Variants in C2CD2 observed in about 807,000 individuals in gnomAD.
C2CD2 encodes the protein C2 domain-containing protein 2.
C2CD2 carries 43 observed loss-of-function variants against 74.3 expected under a neutral mutation model. The ratio of observed to expected loss-of-function variants is 0.58; its 90% confidence interval spans 0.45 to 0.75. The LOEUF is 0.75. C2CD2 is among the 30% of genes least tolerant of loss of function. The probability of loss-of-function intolerance (pLI) is 0.00; values close to 1 mark genes in which losing one functional copy is unlikely to be tolerated. For synonymous variants in C2CD2, 422 were observed against 390.7 expected (o/e 1.08, Z -0.94); for missense variants, 801 against 916.3 (o/e 0.87, Z 1.63).
chr21:41,896,172 G>A (rs2064820103), intron 13 of C2CD2, among the ~76,000 whole-genome samples: 1 of 152,214 alleles, frequency 6.6e-6, no homozygotes, highest in Non-Finnish European at 1.5e-5. Flanking sequence ...GGACGTCTAC[G>A]TGTAATTGAG....
intron 2 of C2CD2, among the ~76,000 whole-genome samples, chr21:41,931,168 G>A (rs1168651144): frequency 6.6e-6 from 1 of 150,498 alleles, no homozygotes; most frequent in Non-Finnish European, 1.5e-5. Flanking sequence ...TAAAGGCCAT[G>A]CTCTGCTGCC....
rs2064705385 is a variant in C2CD2, at chr21:41,888,141, C to T, written c.*983G>A. Reference sequence around the variant, plus strand: ...CCCATTTGTTATTAAACTTCCATTCCTAAGACTGACACCTGAGACACAAAA... The same window carrying T: ...CCCATTTGTTATTAAACTTCCATTCTTAAGACTGACACCTGAGACACAAAA... On this transcript the variant is annotated 3_prime_UTR_variant, in exon 14 of 14. Coordinates refer to ENST00000380486, the MANE Select transcript of C2CD2 (RefSeq NM_015500.2). 1 of 152,644 alleles carries T rather than the reference C, an allele frequency of 6.6e-6. No homozygotes were observed. The highest frequency in any genetic ancestry group is 1.5e-5 in the Non-Finnish European group (1 of 68,050). The allele number at this position is 152,644 out of a possible 1,614,324, so 9.5% of individuals were successfully genotyped here.
chr21:41,929,282 C>G lies in C2CD2; in HGVS notation c.379-7197G>C, dbSNP rs893634819. 1.2e-4 allele frequency among the ~76,000 whole-genome samples: 19 copies of G among 152,160 alleles called. No individual in the cohort carries two copies. Among genetic ancestry groups the G allele is most frequent in the African/African-American group, 4.1e-4 (17 of 41,454 alleles). ...CTCTGCCTCAGTTTCTCCTTCTGTACAGTGGGATGATGCTTCTGACACAGG... is the reference window on the plus strand; with the variant it reads ...CTCTGCCTCAGTTTCTCCTTCTGTAGAGTGGGATGATGCTTCTGACACAGG... On this transcript the variant is annotated intron_variant, in intron 2 of 13. Transcript: ENST00000380486. The surrounding 1 kb of genome is among the most constrained non-coding windows in gnomAD (Gnocchi z 4.6).
rs922593034 is a variant in C2CD2, at chr21:41,898,099, G to A, written c.1870+954C>T. Among the ~76,000 whole-genome samples, 7 of 152,212 alleles carry A rather than the reference G, an allele frequency of 4.6e-5. No homozygotes were observed. The East Asian group carries it at 1.3e-3, about 29-fold the overall frequency. ...CAGCGCTTAACAAAGCTCCCCCAAGGAGCCCCTTCGATTTCCCGACACAGA... is the reference window on the plus strand; with the variant it reads ...CAGCGCTTAACAAAGCTCCCCCAAGAAGCCCCTTCGATTTCCCGACACAGA... On this transcript the variant is annotated intron_variant, in intron 13 of 13. Transcript: ENST00000380486.
rs1375765796 is a variant in C2CD2 at position 41,942,239 on chromosome 21, G to C, written c.286C>G (p.Pro96Ala). The C allele has an allele frequency of 1.3e-6, 2 of 1,549,844 alleles. No homozygotes were observed. The highest frequency in any genetic ancestry group is 1.2e-5 in the South Asian group (1 of 83,994). ...NEEAERKGGPPFLSFEEDPRQ... is the reference protein window; with the variant it reads ...NEEAERKGGPAFLSFEEDPRQ... ...GGGTCCTCCTCAAAGGACAGGAAAG[G>C]TGGGCCCTGGAACAGAGGGGCAGCA... Residue 96 changes from proline (P) to alanine (A), a missense_variant, in exon 2 of 14, where the codon CCT becomes GCT. Transcript: ENST00000380486.
At chr21:41,951,574 G>A (rs376655910) in intron 1 of C2CD2, among the ~76,000 whole-genome samples, 6 of 152,140 alleles carry the variant, frequency 3.9e-5, no homozygotes, top group African/African-American at 1.4e-4. Context: ...CGCAAACAAG[G>A]TGAGACCCTC....
At chr21:41,936,152 G>C (rs1210531602) in intron 2 of C2CD2, among the ~76,000 whole-genome samples, 1 of 152,148 alleles carries the variant, frequency 6.6e-6, no homozygotes, top group East Asian at 1.9e-4. Context: ...CATCAACGGA[G>C]TGAAGAGACA....
At chr21:41,901,557 G>T in intron 12 of C2CD2, 65 bp downstream of exon 12, 3 of 1,562,890 alleles carry the variant, frequency 1.9e-6, no homozygotes, top group Non-Finnish European at 2.6e-6. Context: ...TCTTCAAAGG[G>T]CAGAGGAGCA....
chr21:41,886,093 ACAAAG>A lies in C2CD2; in HGVS notation c.*3026_*3030del, dbSNP rs1445495444. ...ACAAAGAACAGAGGCACCTCCTTAAACAAAGCAAACGGGGAAGGGTTGCAAGCTCA... is the reference window on the plus strand; with the variant it reads ...ACAAAGAACAGAGGCACCTCCTTAAACAAACGGGGAAGGGTTGCAAGCTCA... On this transcript the variant is annotated 3_prime_UTR_variant, in exon 14 of 14. Coordinates refer to ENST00000380486, the MANE Select transcript of C2CD2 (RefSeq NM_015500.2). The A allele has an allele frequency of 1.3e-5, 2 of 152,266 alleles. No individual in the cohort carries two copies. Among genetic ancestry groups the A allele is most frequent in the East Asian group, 3.8e-4 (2 of 5,202 alleles). The allele number at this position is 152,266 out of a possible 1,614,324, so 9.4% of individuals were successfully genotyped here. A position where few individuals can be genotyped will look rare whatever the true frequency, so the allele number is the denominator to read the frequency against.
At chr21:41,908,017 G>A (rs1199758859) in intron 8 of C2CD2, 5 of 527,764 alleles carry the variant, frequency 9.5e-6, no homozygotes, top group South Asian at 4.2e-5. Flanking sequence ...GGCAGGCAAT[G>A]TCCGGCCCTG....
intron 1 of C2CD2, among the ~76,000 whole-genome samples, chr21:41,951,976 G>A (rs2065453961): frequency 6.6e-6 from 1 of 152,184 alleles, no homozygotes; most frequent in Non-Finnish European, 1.5e-5. Context: ...CCAGCCTGGA[G>A]GGGACTCAGC....
chr21:41,922,740 G>T (rs1400674064), intron 2 of C2CD2, among the ~76,000 whole-genome samples: 1 of 152,192 alleles, frequency 6.6e-6, no homozygotes, highest in Admixed American at 6.5e-5. Flanking sequence ...CTCCCAAAGT[G>T]CTGGGATTAC....
At chr21:41,919,765 G>A (rs758607261) in intron 3 of C2CD2, among the ~76,000 whole-genome samples, 42 of 152,164 alleles carry the variant, frequency 2.8e-4, no homozygotes, top group Admixed American at 5.2e-4. Context: ...TGTCCATTTG[G>A]GAGACAGAAC....
In C2CD2 at chr21:41,888,591, C is replaced by A. The variant is rs2064710507; in HGVS notation, c.*533G>T. On this transcript the variant is annotated 3_prime_UTR_variant, in exon 14 of 14. Coordinates refer to ENST00000380486, the MANE Select transcript of C2CD2 (RefSeq NM_015500.2). ...CAAAATTTCTCTATTAATCCAAAAT[C>A]CTGCCTATGTTCCACTTCCCTGTAC... is the stretch of plus-strand genomic sequence containing the variant. 6.3e-6 allele frequency: 1 copy of A among 159,174 alleles called. No individual in the cohort carries two copies. The highest frequency in any genetic ancestry group is 1.4e-5 in the Non-Finnish European group (1 of 71,542). 9.9% of individuals were successfully genotyped at this position (159,174 alleles called of 1,614,324 possible).
chr21:41,935,181 C>T (rs982249855), intron 2 of C2CD2, among the ~76,000 whole-genome samples: 3 of 152,154 alleles, frequency 2.0e-5, no homozygotes, highest in Non-Finnish European at 2.9e-5. Context: ...TGAGCCACCG[C>T]GCTGGCCAGC....
intron 12 of C2CD2, among the ~76,000 whole-genome samples, chr21:41,900,014 C>A (rs1034402566): frequency 3.3e-5 from 5 of 151,904 alleles, no homozygotes; most frequent in Non-Finnish European, 5.9e-5. Flanking sequence ...GTGACACAGG[C>A]GTTTGCTTAG....
intron 5 of C2CD2, 103 bp downstream of exon 5, chr21:41,918,002 T>G: frequency 4.4e-6 from 6 of 1,350,344 alleles, no homozygotes; most frequent in Non-Finnish European, 6.3e-6. Context: ...GGCTCTACCA[T>G]GGGAGGTGGA....
At chr21:41,915,808 A>G (rs556858477) in intron 5 of C2CD2, among the ~76,000 whole-genome samples, 1 of 151,112 alleles carries the variant, frequency 6.6e-6, no homozygotes, top group Non-Finnish European at 1.5e-5. Flanking sequence ...TTCCTTTTCT[A>G]ATTATACTTT....
Position 41,926,556 on chromosome 21 carries a change from T to A in C2CD2, c.379-4471A>T. 1.2e-6 allele frequency: 1 copy of A among 846,094 alleles called. No homozygotes were observed. Among genetic ancestry groups the A allele is most frequent in the Non-Finnish European group, 1.4e-6 (1 of 702,696 alleles). 52.4% of individuals were successfully genotyped at this position (846,094 alleles called of 1,614,324 possible). A position where few individuals can be genotyped will look rare whatever the true frequency, so the allele number is the denominator to read the frequency against. ...TCTCTCCAGCCTCAACACCTTGACC[T>A]CATGTAGTCACATACCTATGCAAAC... On this transcript the variant is annotated intron_variant, in intron 2 of 13. Transcript: ENST00000380486. This position sits in a 1 kb window ranked among gnomAD's most constrained non-coding sequence, Gnocchi z 8.0.
Sources: gnomAD v4.1 joint callset for allele counts (sites outside exome capture counted in the v4.1 genomes callset) on GRCh38, gnomAD v4.1.1 for gene constraint, Gnocchi (gnomAD v3.1) non-coding constraint, MANE v1.5 for transcripts, NCBI Gene and HGNC (gene_info 2026-07-23, HGNC 2026-07-21) for gene names.